Variants in SEC14L3 observed in about 807,000 individuals in gnomAD.
SEC14L3 encodes SEC14-like protein 3.
In SEC14L3, 56 loss-of-function variants were observed where a neutral mutation model predicts 57.4. The observed-to-expected ratio is 0.97, with a 90% confidence interval of 0.79 to 1.22. SEC14L3 has a LOEUF of 1.22. SEC14L3 is among the 50% of genes most tolerant of loss of function. The pLI, the probability that SEC14L3 is intolerant of heterozygous loss-of-function variation, is 0.00. For missense variants in SEC14L3, 485 were observed against 511.7 expected, an observed-to-expected ratio of 0.95 and a Z score of 0.50; for synonymous variants, 173 against 194.4, an observed-to-expected ratio of 0.89 and a Z score of 0.92.
chr22:30,448,109 C>G (rs560282121), exon 13 of SEC14L3: 2 of 152,358 alleles, frequency 1.3e-5, no homozygotes, highest in Non-Finnish European at 2.9e-5. Context: ...CCTTGGCCAG[C>G]TGTGCACCTG....
Position 30,462,070 on chromosome 22 carries a change from G to A in SEC14L3, c.771+16C>T, listed in dbSNP as rs372323109. 214 of 1,612,828 alleles carry A rather than the reference G, an allele frequency of 1.3e-4. No homozygotes were observed. The highest frequency in any genetic ancestry group is 1.7e-4 in the Non-Finnish European group (199 of 1,179,258). On this transcript the variant is annotated intron_variant, in intron 9 of 11. Transcript: ENST00000215812. ...ATTCTTGAACCTCTCTTGTCCCAGG[G>A]AAGGGCTCTTTGTACCTTGGTTAAA...
At position 30,466,306 on chromosome 22, in the gene SEC14L3, C is replaced by T. The variant is rs192946196; in HGVS notation, c.580+28G>A. On this transcript the variant is annotated intron_variant, in intron 7 of 11. Coordinates refer to ENST00000215812, the MANE Select transcript of SEC14L3 (RefSeq NM_174975.5). ...GCGTACAGATGAGGAAACAGAGGCA[C>T]AAGTAAGTGAAGTCATTTGTCACAT... is the stretch of plus-strand genomic sequence containing the variant. The T allele has an allele frequency of 1.7e-3, 2,650 of 1,602,656 alleles. 2 individuals carry two copies. Among genetic ancestry groups the T allele is most frequent in the Non-Finnish European group, 2.1e-3 (2,449 of 1,170,174 alleles).
At chr22:30,454,606 ATAT>A (rs1329632900), downstream of SEC14L3, among the ~76,000 whole-genome samples, 6 of 115,290 alleles carry the variant, frequency 5.2e-5, no homozygotes, top group East Asian at 2.4e-4. Context: ...ATAATCTATA[ATAT>A]TATTAGATAT....
Position 30,459,977 on chromosome 22 carries a change from A to C in SEC14L3, c.*44T>G. 1 of 1,603,664 alleles carries C rather than the reference A, an allele frequency of 6.2e-7. No individual in the cohort carries two copies. Among genetic ancestry groups the C allele is most frequent in the Non-Finnish European group, 8.5e-7 (1 of 1,173,294 alleles). ...GGGAGGGAGTGTAGGATATAAACAG[A>C]GAAATCAAAGGGTTAGGAGGTCTCT... On this transcript the variant is annotated 3_prime_UTR_variant, in exon 12 of 12. Transcript: ENST00000215812.
intron 12 of SEC14L3, chr22:30,449,366 A>G (rs1272653797): frequency 3.8e-6 from 5 of 1,317,854 alleles, no homozygotes; most frequent in African/African-American, 1.5e-5. Flanking sequence ...ATAGGATTCT[A>G]TGTGTCATTC....
intron 12 of SEC14L3, among the ~76,000 whole-genome samples, chr22:30,451,845 C>T (rs528864242): frequency 2.0e-5 from 3 of 151,742 alleles, no homozygotes; most frequent in African/African-American, 7.2e-5. Flanking sequence ...CAAAAATTAG[C>T]CAGGCATGGT....
chr22:30,450,668 C>G (rs1282943208), intron 12 of SEC14L3, among the ~76,000 whole-genome samples: 2 of 148,074 alleles, frequency 1.4e-5, no homozygotes, highest in African/African-American at 5.3e-5. Context: ...TTATGGGACC[C>G]TGGGCAAATT....
At chr22:30,466,531 G>T in intron 6 of SEC14L3, 137 bp from the exon 7 acceptor site, 1 of 977,046 alleles carries the variant, frequency 1.0e-6, no homozygotes, top group Non-Finnish European at 1.5e-6. Context: ...CCTGGCCTCT[G>T]GAGGGAACCT....
intron 11 of SEC14L3, among the ~76,000 whole-genome samples, chr22:30,460,386 C>A (rs887118392): frequency 2.0e-5 from 3 of 152,216 alleles, no homozygotes; most frequent in Non-Finnish European, 4.4e-5. Context: ...GAACAATGGT[C>A]ATTACATCCC....
chr22:30,469,946 C>G (rs758195962), intron 4 of SEC14L3, 73 bp downstream of exon 4: 8 of 1,191,420 alleles, frequency 6.7e-6, no homozygotes, highest in Non-Finnish European at 9.5e-6. Context: ...CTTGCTGCCC[C>G]TCATTCATGG....
chr22:30,461,563 G>C lies in SEC14L3; in HGVS notation c.903C>G (p.Cys301Trp). 1 of 1,614,104 alleles carries C rather than the reference G, an allele frequency of 6.2e-7. No homozygotes were observed. The highest frequency in any genetic ancestry group is 8.5e-7 in the Non-Finnish European group (1 of 1,180,020). ...QVEYEILFPGCVLRWQFSSDG... is the reference protein window; with the variant it reads ...QVEYEILFPGWVLRWQFSSDG... The stretch of plus-strand genomic sequence containing the variant: ...TTAGGGCCTGCCCCTACCTGAGAAC[G>C]CAGCCTGGAAATAGGATCTCGTATT... Residue 301 changes from cysteine (C) to tryptophan (W), a missense_variant, in exon 10 of 12, where the codon TGC becomes TGG. Coordinates refer to ENST00000215812, the MANE Select transcript of SEC14L3 (RefSeq NM_174975.5).
At chr22:30,471,724 G>A (rs148550271) in intron 1 of SEC14L3, among the ~76,000 whole-genome samples, 181 bp downstream of exon 1, 14 of 152,324 alleles carry the variant, frequency 9.2e-5, no homozygotes, top group Non-Finnish European at 1.3e-4. Flanking sequence ...CTCAACCCCC[G>A]CCCGGGACAG....
In SEC14L3 at chr22:30,461,990, ATCTC is replaced by A. The variant is rs1288284478; in HGVS notation, c.771+92_771+95del. On this transcript the variant is annotated intron_variant, in intron 9 of 11. Transcript: ENST00000215812. Reference sequence around the variant, plus strand: ...ACTAGCTTAACACCCAGTTCTTGGCATCTCTCTATAGGTAATTGTGGATGAATGA... The same window carrying A: ...ACTAGCTTAACACCCAGTTCTTGGCATCTATAGGTAATTGTGGATGAATGA... The A allele has an allele frequency of 4.6e-6, 6 of 1,310,270 alleles. No individual in the cohort carries two copies. In the East Asian group the frequency reaches 1.5e-4, roughly 32 times the overall value. The allele number at this position is 1,310,270 out of a possible 1,614,324, so 81.2% of individuals were successfully genotyped here. A position where few individuals can be genotyped will look rare whatever the true frequency, so the allele number is the denominator to read the frequency against.
At chr22:30,448,227 C>G (rs1210164796) in exon 13 of SEC14L3, 1 of 152,272 alleles carries the variant, frequency 6.6e-6, no homozygotes, top group Admixed American at 6.5e-5. Flanking sequence ...GTGAGTCACT[C>G]TGCTGGGTGC....
chr22:30,455,850 C>G (rs1171118675), downstream of SEC14L3, among the ~76,000 whole-genome samples: 1 of 152,238 alleles, frequency 6.6e-6, no homozygotes, highest in Non-Finnish European at 1.5e-5. Context: ...CTTTTCCTTC[C>G]CTGGCTCTGC....
exon 13 of SEC14L3, chr22:30,448,004 G>A (rs1934911231): frequency 6.8e-6 from 1 of 148,040 alleles, no homozygotes; most frequent in South Asian, 2.1e-4. Flanking sequence ...CTCTAGTCTT[G>A]CTACTTGGTA....
chr22:30,463,597 A>T (rs932176388), intron 8 of SEC14L3, among the ~76,000 whole-genome samples: 1 of 152,196 alleles, frequency 6.6e-6, no homozygotes, highest in African/African-American at 2.4e-5. Context: ...AATTGGGTAG[A>T]GGCAGAGGCT....
In SEC14L3 at chr22:30,461,457, C is replaced by T. The variant is rs2146103335; in HGVS notation, c.934G>A (p.Ala312Thr). 6.2e-7 allele frequency: 1 copy of T among 1,613,780 alleles called. No individual in the cohort carries two copies. The highest frequency in any genetic ancestry group is 2.2e-5 in the East Asian group (1 of 44,872). The change falls in exon 11 of 12, where the codon GCG (alanine) becomes ACG (threonine). Residue 312 changes from alanine to threonine, a missense_variant. Coordinates refer to ENST00000215812, the MANE Select transcript of SEC14L3 (RefSeq NM_174975.5). ...VLRWQFSSDG[A>T]DIGFGVFLKT... ...AGGAAAACTCCGAAGCCGATGTCCG[C>T]ACCATCAGATGAGAACTGCCACCTG...
intron 6 of SEC14L3, 113 bp downstream of exon 6, chr22:30,466,869 G>A: frequency 2.0e-6 from 2 of 979,604 alleles, no homozygotes; most frequent in South Asian, 3.3e-5. Context: ...GTCACAATGA[G>A]GGAGCCCAGG....
Sources: allele counts gnomAD v4.1 joint callset (sites outside exome capture counted in the v4.1 genomes callset), GRCh38; gene constraint gnomAD v4.1.1; transcripts MANE v1.5; gene names NCBI Gene and HGNC (gene_info 2026-07-23, HGNC 2026-07-21).